The following PDE6D variants were observed in gnomAD, a reference collection of about 807,000 sequenced individuals.
PDE6D encodes the protein retinal rod rhodopsin-sensitive cGMP 3',5'-cyclic phosphodiesterase subunit delta.
A neutral mutation model predicts 21.9 loss-of-function variants in PDE6D; 10 were observed. That is an observed-to-expected ratio of 0.46 (90% CI 0.28 to 0.78). The LOEUF is 0.78. PDE6D is among the 30% of genes least tolerant of loss of function. The pLI is 0.12. For synonymous variants in PDE6D, 59 were observed against 63.5 expected, an observed-to-expected ratio of 0.93 and a Z score of 0.34; for missense variants, 139 against 184.8, an observed-to-expected ratio of 0.75 and a Z score of 1.44.
rs567039985 is a variant in PDE6D at position 231,773,930 on chromosome 2, C to CATT, written c.50+7132_50+7134dup. 8.5e-3 allele frequency among the ~76,000 whole-genome samples: 1,288 copies of CATT among 151,508 alleles called. 11 individuals carry two copies. Among genetic ancestry groups the CATT allele is most frequent in the African/African-American group, 0.029 (1,179 of 41,308 alleles). On this transcript the variant is annotated intron_variant, in intron 1 of 4. Transcript: ENST00000287600. ...TTTACAATCATATTAACACTATTGT[C>CATT]ATTATTATTATTATTATTATTGAGA...
At chr2:231,774,447 A>G (rs1460020447) in intron 1 of PDE6D, among the ~76,000 whole-genome samples, 1 of 152,100 alleles carries the variant, frequency 6.6e-6, no homozygotes, top group Admixed American at 6.6e-5. Context: ...GTGAGCCCAT[A>G]CTCTCAACCA....
At position 231,745,607 on chromosome 2, in the gene PDE6D, C is replaced by T. The variant is rs896870990; in HGVS notation, c.51-6419G>A. Among the ~76,000 whole-genome samples the T allele has an allele frequency of 3.3e-5, 5 of 151,992 alleles. 1 individual carries two copies. Among genetic ancestry groups the T allele is most frequent in the African/African-American group, 1.2e-4 (5 of 41,354 alleles). ...GGCTCTGGTACCCTCTAATTTGGAA[C>T]CAGGCAAACATAAGGAAGCACTTTC... On this transcript the variant is annotated intron_variant, in intron 1 of 4. Coordinates refer to ENST00000287600, the MANE Select transcript of PDE6D (RefSeq NM_002601.4).
At chr2:231,745,806 T>C (rs909759536) in intron 1 of PDE6D, among the ~76,000 whole-genome samples, 1 of 152,162 alleles carries the variant, frequency 6.6e-6, no homozygotes, top group Non-Finnish European at 1.5e-5. Context: ...TCTTACAGAA[T>C]AGTTGTGACC....
intron 1 of PDE6D, among the ~76,000 whole-genome samples, chr2:231,742,654 A>T (rs915974042): frequency 6.6e-6 from 1 of 152,204 alleles, no homozygotes; most frequent in Non-Finnish European, 1.5e-5. Context: ...TATAGTTTAC[A>T]TGTGTCTTTT....
rs374980501 is a variant in PDE6D, at chr2:231,738,134, A to G, written c.144T>C (p.Arg48=). Residue 48 remains arginine (R), a synonymous_variant, in exon 3 of 5, where the codon CGT becomes CGC. Coordinates refer to ENST00000287600, the MANE Select transcript of PDE6D (RefSeq NM_002601.4). ...TGCACTTGAGGATTTTCTTGGGAAC[A>G]CGGGCTGGTAAGAGAAAAACAAATG... ...LSVPGVEHEA[R]VPKKILKCKA... The G allele has an allele frequency of 1.2e-6, 2 of 1,611,512 alleles. No homozygotes were observed. Among genetic ancestry groups the G allele is most frequent in the African/African-American group, 1.3e-5 (1 of 74,790 alleles).
chr2:231,744,478 C>T (rs919551449), intron 1 of PDE6D, among the ~76,000 whole-genome samples: 4 of 150,846 alleles, frequency 2.7e-5, no homozygotes, highest in Non-Finnish European at 5.9e-5. Context: ...CTTGTTGCCC[C>T]GACTGGAGTG....
intron 1 of PDE6D, among the ~76,000 whole-genome samples, chr2:231,760,059 T>A (rs940872093): frequency 3.3e-5 from 5 of 152,144 alleles, no homozygotes; most frequent in Non-Finnish European, 7.4e-5. Context: ...CTAAAAACAA[T>A]AAAATAGGAA....
chr2:231,756,816 T>G (rs963130802), intron 1 of PDE6D, among the ~76,000 whole-genome samples: 2 of 151,476 alleles, frequency 1.3e-5, no homozygotes, highest in Admixed American at 6.6e-5. Flanking sequence ...CATTAAGAAT[T>G]CCCTGTGGTG....
At chr2:231,780,183 G>C (rs2049095465) in intron 1 of PDE6D, among the ~76,000 whole-genome samples, 1 of 152,108 alleles carries the variant, frequency 6.6e-6, no homozygotes, top group Non-Finnish European at 1.5e-5. Flanking sequence ...ACCACAACAG[G>C]CCCGAGGCAA....
intron 1 of PDE6D, among the ~76,000 whole-genome samples, chr2:231,744,975 C>T (rs1410263418): frequency 6.6e-6 from 1 of 152,082 alleles, no homozygotes; most frequent in African/African-American, 2.4e-5. Context: ...CATCCAACGA[C>T]GTTGGGATTG....
intron 1 of PDE6D, among the ~76,000 whole-genome samples, chr2:231,757,367 G>A (rs541033284): frequency 3.3e-4 from 50 of 152,006 alleles, no homozygotes; most frequent in African/African-American, 1.1e-3. Context: ...GCACGATCTC[G>A]GCTCACTGCA....
intron 1 of PDE6D, among the ~76,000 whole-genome samples, chr2:231,745,326 A>G (rs2048785604): frequency 6.6e-6 from 1 of 152,220 alleles, no homozygotes; most frequent in Non-Finnish European, 1.5e-5. Flanking sequence ...TATTTGTTTT[A>G]ACAGCTTACT....
chr2:231,765,508 T>G (rs1000841156), intron 1 of PDE6D, among the ~76,000 whole-genome samples: 2 of 152,164 alleles, frequency 1.3e-5, no homozygotes, highest in Admixed American at 6.5e-5. Flanking sequence ...TATATGGGCA[T>G]GTGGCTCTGA....
At chr2:231,777,294 G>A (rs1309736861) in intron 1 of PDE6D, among the ~76,000 whole-genome samples, 1 of 152,176 alleles carries the variant, frequency 6.6e-6, no homozygotes, top group Non-Finnish European at 1.5e-5. Flanking sequence ...CTCAGACCAT[G>A]CCTAATTTAT....
At chr2:231,738,229 T>C (rs774835812) in intron 2 of PDE6D, 91 bp from the exon 3 acceptor site, 6 of 1,206,322 alleles carry the variant, frequency 5.0e-6, no homozygotes, top group Non-Finnish European at 7.0e-6. Flanking sequence ...TTACAGCTGA[T>C]TTAGAGAACA....
chr2:231,743,428 C>CAAAAAAAAAAAAAA (rs34916848), intron 1 of PDE6D, among the ~76,000 whole-genome samples: 1 of 59,030 alleles, frequency 1.7e-5, no homozygotes, highest in Non-Finnish European at 3.8e-5. Flanking sequence ...GATTCCGTCT[C>CAAAAAAAAAAAAAA]AAAAAAAAAA....
chr2:231,746,295 C>A (rs2048793231), intron 1 of PDE6D, among the ~76,000 whole-genome samples: 1 of 152,066 alleles, frequency 6.6e-6, no homozygotes, highest in Non-Finnish European at 1.5e-5. Context: ...GTGCCCGCCC[C>A]CATGTCCGGC....
rs760207745 is a variant in PDE6D at position 231,781,123 on chromosome 2, G to C, written c.-9C>G. The C allele has an allele frequency of 1.9e-6, 3 of 1,611,384 alleles. No individual in the cohort carries two copies. The highest frequency in any genetic ancestry group is 2.2e-5 in the South Asian group (2 of 91,000). ...TCGTCCTTGGCTGACATGATGCGGC[G>C]GTCGCCGCCCGCGGCTTTCTCACTC... is the stretch of plus-strand genomic sequence containing the variant. On this transcript the variant is annotated 5_prime_UTR_variant, in exon 1 of 5. Transcript: ENST00000287600.
intron 4 of PDE6D, among the ~76,000 whole-genome samples, chr2:231,733,777 G>A (rs946280390): frequency 5.9e-5 from 9 of 151,824 alleles, no homozygotes; most frequent in African/African-American, 2.2e-4. Context: ...ACTAAATGAT[G>A]CACCTGTATT....
Sources: gnomAD v4.1 joint callset for allele counts (sites outside exome capture counted in the v4.1 genomes callset) on GRCh38, gnomAD v4.1.1 for gene constraint, MANE v1.5 for transcripts, NCBI Gene and HGNC (gene_info 2026-07-23, HGNC 2026-07-21) for gene names.